Variants in CSMD3 observed in about 807,000 individuals in gnomAD.
The protein encoded by CSMD3 is CUB and Sushi multiple domains 3, also known as CUB and sushi domain-containing protein 3.
CSMD3 carries 177 observed loss-of-function variants against 435.2 expected under a neutral mutation model. That is an observed-to-expected ratio of 0.41 (90% CI 0.36 to 0.46). The LOEUF (loss-of-function observed/expected upper bound fraction) is 0.46, where lower values mean the gene tolerates loss of function less well. CSMD3 is among the 20% of genes least tolerant of loss of function. The pLI is 0.34. For missense variants in CSMD3, 4,265 were observed against 4,504.6 expected, an observed-to-expected ratio of 0.95 and a Z score of 1.52; for synonymous variants, 1,656 against 1,520.5, an observed-to-expected ratio of 1.09 and a Z score of -2.07.
intron 27 of CSMD3, among the ~76,000 whole-genome samples, chr8:112,538,648 T>A (rs938199781): frequency 2.0e-5 from 3 of 151,772 alleles, no homozygotes; most frequent in Non-Finnish European, 4.4e-5. Context: ...ACTAAAGGAG[T>A]GAAATCTCTC....
At chr8:112,955,787 T>C (rs1166644695) in intron 7 of CSMD3, among the ~76,000 whole-genome samples, 1 of 151,896 alleles carries the variant, frequency 6.6e-6, no homozygotes, top group Admixed American at 6.6e-5. Flanking sequence ...TAGTGAAGGA[T>C]GACAGCCTTA....
chr8:112,415,037 G>T (rs1268999773), intron 32 of CSMD3, among the ~76,000 whole-genome samples: 1 of 152,194 alleles, frequency 6.6e-6, no homozygotes, highest in Non-Finnish European at 1.5e-5. Context: ...ATTTTCTGGG[G>T]AGAAATTCAA....
At chr8:112,524,331 A>T (rs146672296) in intron 27 of CSMD3, among the ~76,000 whole-genome samples, 52 of 151,862 alleles carry the variant, frequency 3.4e-4, no homozygotes, top group African/African-American at 1.3e-3. Context: ...GACCAGTATT[A>T]GTAAGTAAAA....
intron 40 of CSMD3, among the ~76,000 whole-genome samples, 184 bp downstream of exon 40, chr8:112,350,990 GA>G (rs1474052185): frequency 3.3e-5 from 5 of 151,812 alleles, no homozygotes; most frequent in Non-Finnish European, 4.4e-5. Context: ...TTAAAAAAAA[GA>G]AGATGTGAAA....
chr8:112,416,630 G>T (rs1319684), intron 32 of CSMD3, among the ~76,000 whole-genome samples: 2 of 152,038 alleles, frequency 1.3e-5, no homozygotes, highest in Non-Finnish European at 2.9e-5. Context: ...TAATTAACTT[G>T]AAACGAGGAT....
intron 10 of CSMD3, among the ~76,000 whole-genome samples, chr8:112,878,644 C>G (rs145655400): frequency 1.3e-5 from 2 of 152,030 alleles, no homozygotes; most frequent in African/African-American, 4.8e-5. Flanking sequence ...CTGTTTACAA[C>G]AGCAAAGACT....
At chr8:112,341,067 C>T (rs1179484986) in intron 42 of CSMD3, among the ~76,000 whole-genome samples, 1 of 152,024 alleles carries the variant, frequency 6.6e-6, no homozygotes, top group East Asian at 1.9e-4. Context: ...TCATATTAGT[C>T]TTATCACTAT....
rs2080960451 is a variant in CSMD3 at position 112,865,689 on chromosome 8, CA to C, written c.1634-6424del. Among the ~76,000 whole-genome samples, 4 of 19,858 alleles carry C rather than the reference CA, an allele frequency of 2.0e-4. No individual in the cohort carries two copies. The South Asian group carries it at 7.5e-3, about 37-fold the overall frequency. The allele number at this position is 19,858 out of a possible 152,430, so 13.0% of individuals were successfully genotyped here. A position where few individuals can be genotyped will look rare whatever the true frequency, so the allele number is the denominator to read the frequency against. On this transcript the variant is annotated intron_variant, in intron 10 of 70. Transcript: ENST00000297405. ...TTAAGTATTACCTTTACATACCCCA[CA>C]CACACACACACACACACACACACAC... is the stretch of plus-strand genomic sequence containing the variant.
intron 3 of CSMD3, among the ~76,000 whole-genome samples, chr8:113,192,530 T>C (rs2092600553): frequency 6.6e-6 from 1 of 151,616 alleles, no homozygotes; most frequent in Non-Finnish European, 1.5e-5. Flanking sequence ...TGAACACTTT[T>C]CTGGACTTAA....
chr8:112,268,038 T>C (rs1056622246), intron 59 of CSMD3, among the ~76,000 whole-genome samples: 1 of 152,072 alleles, frequency 6.6e-6, no homozygotes, highest in African/African-American at 2.4e-5. Flanking sequence ...GACAACAAAT[T>C]CAGAAATACC....
At chr8:112,432,938 T>A (rs947317393) in intron 32 of CSMD3, among the ~76,000 whole-genome samples, 1 of 151,732 alleles carries the variant, frequency 6.6e-6, no homozygotes, top group Admixed American at 6.6e-5. Flanking sequence ...TTTGAATTTT[T>A]ATAATGATAT....
intron 6 of CSMD3, among the ~76,000 whole-genome samples, chr8:113,013,060 G>A (rs955261632): frequency 6.6e-6 from 1 of 151,932 alleles, no homozygotes; most frequent in South Asian, 2.1e-4. Context: ...GCAAAGATTA[G>A]AATACCATCT....
rs553427022 is a variant in CSMD3, at chr8:112,478,521, T to C, written c.5279-5814A>G. Among the ~76,000 whole-genome samples, 28 of 152,332 alleles carry C rather than the reference T, an allele frequency of 1.8e-4. No homozygotes were observed. In the South Asian group the frequency reaches 2.1e-3, roughly 11 times the overall value. On this transcript the variant is annotated intron_variant, in intron 31 of 70. Transcript: ENST00000297405. ...AAAGAATTTGGCTGCATTGTGTTCA[T>C]GTCCTAGTACATGTCCTAGAGATCT...
intron 5 of CSMD3, among the ~76,000 whole-genome samples, chr8:113,076,379 T>C (rs2089337464): frequency 6.6e-6 from 1 of 151,982 alleles, no homozygotes; most frequent in African/African-American, 2.4e-5. Flanking sequence ...ATTTATATTC[T>C]GAATGAACTT....
intron 9 of CSMD3, among the ~76,000 whole-genome samples, chr8:112,929,754 C>T (rs1442050096): frequency 6.6e-6 from 1 of 151,872 alleles, no homozygotes; most frequent in African/African-American, 2.4e-5. Flanking sequence ...TTGAAGGTTA[C>T]TAGTAGAATG....
At chr8:112,696,561 T>C (rs531255015) in intron 13 of CSMD3, among the ~76,000 whole-genome samples, 2 of 152,296 alleles carry the variant, frequency 1.3e-5, no homozygotes, top group Non-Finnish European at 2.9e-5. Context: ...TTACACCTTA[T>C]ACAAAAAGTA....
intron 16 of CSMD3, among the ~76,000 whole-genome samples, chr8:112,676,187 A>G (rs757523445): frequency 3.9e-5 from 6 of 152,126 alleles, no homozygotes; most frequent in Admixed American, 6.6e-5. Context: ...AGTTGAACAT[A>G]TAAGTCTACA....
chr8:112,958,344 G>GT (rs2084107799), intron 7 of CSMD3, among the ~76,000 whole-genome samples: 1 of 152,028 alleles, frequency 6.6e-6, no homozygotes, highest in African/African-American at 2.4e-5. Flanking sequence ...CAGTTTGACT[G>GT]TTTTTTTGTT....
At chr8:113,373,948 A>G (rs964156033) in intron 1 of CSMD3, among the ~76,000 whole-genome samples, 3 of 152,114 alleles carry the variant, frequency 2.0e-5, no homozygotes, top group Admixed American at 6.5e-5. Flanking sequence ...TGAAGCCACA[A>G]TGGGAGTTGG....
Sources: allele counts gnomAD v4.1 joint callset (sites outside exome capture counted in the v4.1 genomes callset), GRCh38; gene constraint gnomAD v4.1.1; transcripts MANE v1.5; gene names NCBI Gene and HGNC (gene_info 2026-07-23, HGNC 2026-07-21).